TRAPPC11: variants seen among roughly 807,000 people sequenced by gnomAD.
The protein encoded by TRAPPC11 is foie gras homolog.
In TRAPPC11, 104 loss-of-function variants were observed where a neutral mutation model predicts 151.2. The observed-to-expected ratio is 0.69, with a 90% CI of 0.59 to 0.81. TRAPPC11 has a LOEUF of 0.81. Among genes scored for constraint, TRAPPC11 ranks in the 30% least tolerant of loss-of-function variants. The pLI is 0.00. For missense variants in TRAPPC11, 1,230 were observed against 1,349.6 expected (o/e 0.91, Z 1.39); for synonymous variants, 456 against 472.3 (o/e 0.97, Z 0.45).
rs1734963112 is a variant in TRAPPC11 at position 183,667,927 on chromosome 4, A to G, written c.446-76A>G. The G allele has an allele frequency of 2.9e-6, 3 of 1,027,444 alleles. 1 individual carries two copies. In the Admixed American group the frequency reaches 5.7e-5, roughly 19 times the overall value. 63.6% of individuals were successfully genotyped at this position (1,027,444 alleles called of 1,614,324 possible). ...TTTATTCCTAATTCTATTTTTTCAG[A>G]CTTGGGGAAATATTTATTTGGGAAG... On this transcript the variant is annotated intron_variant, in intron 4 of 29. Coordinates refer to ENST00000334690, the MANE Select transcript of TRAPPC11 (RefSeq NM_021942.6).
intron 5 of TRAPPC11, among the ~76,000 whole-genome samples, chr4:183,671,126 A>G (rs1735134772): frequency 6.6e-6 from 1 of 152,174 alleles, no homozygotes; most frequent in Non-Finnish European, 1.5e-5. Context: ...TCGGCCTCCC[A>G]TAGTGCTGGG....
intron 1 of TRAPPC11, among the ~76,000 whole-genome samples, chr4:183,662,149 C>T (rs543630312): frequency 1.3e-4 from 19 of 151,958 alleles, no homozygotes; most frequent in African/African-American, 4.3e-4. Context: ...CCTGAGGTCA[C>T]GAGATCAAGA....
chr4:183,695,224 A>G (rs966495304), intron 23 of TRAPPC11, among the ~76,000 whole-genome samples: 2 of 152,182 alleles, frequency 1.3e-5, no homozygotes, highest in South Asian at 4.1e-4. Flanking sequence ...TGCTGGGATT[A>G]CAGGCGTGAT....
At chr4:183,679,032 T>A (rs941793989) in intron 8 of TRAPPC11, among the ~76,000 whole-genome samples, 3 of 152,228 alleles carry the variant, frequency 2.0e-5, no homozygotes, top group African/African-American at 7.2e-5. Flanking sequence ...AATTACCTGT[T>A]GGACATAGTT....
At position 183,664,025 on chromosome 4, in the gene TRAPPC11, T is replaced by C. The variant is rs771569103; in HGVS notation, c.158T>C (p.Phe53Ser). 6.2e-7 allele frequency: 1 copy of C among 1,613,810 alleles called. No homozygotes were observed. The highest frequency in any genetic ancestry group is 1.1e-5 in the South Asian group (1 of 91,060). Residue 53 changes from phenylalanine (F) to serine (S), a missense_variant, in exon 2 of 30, where the codon TTC (phenylalanine) becomes TCC (serine). Physicochemically the swap from Phe to Ser is radical, Grantham distance 155. Transcript: ENST00000334690. The stretch of plus-strand genomic sequence containing the variant: ...AGAGCTGATCGAGTACCAATTTCTT[T>C]CAAGGTGCTCCCAGGTGACCATGAG... ...NRRADRVPIS[F>S]KVLPGDHEYP...
At position 183,666,307 on chromosome 4, in the gene TRAPPC11, G is replaced by T; in HGVS notation, c.255G>T (p.Trp85Cys). 5.0e-6 allele frequency: 8 copies of T among 1,614,192 alleles called. No homozygotes were observed. The highest frequency in any genetic ancestry group is 6.8e-6 in the Non-Finnish European group (8 of 1,180,022). Reference protein sequence around the residue: ...YIPKGILKTGWMNKHLNLVPA... With the variant: ...YIPKGILKTGCMNKHLNLVPA... ...CTAAAGGGATCTTAAAGACTGGCTG[G>T]ATGAATAAGCATCTGAATCTGGTGC... The change falls in exon 3 of 30, where the codon TGG becomes TGT. Residue 85 changes from tryptophan to cysteine, a missense_variant. Transcript: ENST00000334690.
rs1396630937 is a variant in TRAPPC11 at position 183,685,296 on chromosome 4, A to G, written c.1655A>G (p.Asp552Gly). 1 of 1,614,004 alleles carries G rather than the reference A, an allele frequency of 6.2e-7. No homozygotes were observed. The highest frequency in any genetic ancestry group is 8.5e-7 in the Non-Finnish European group (1 of 1,179,986). Residue 552 changes from aspartate (D) to glycine (G), a missense_variant, in exon 17 of 30, where the codon GAC (aspartate) becomes GGC (glycine). Asp to Gly is a moderately conservative substitution (Grantham distance 94). Coordinates refer to ENST00000334690, the MANE Select transcript of TRAPPC11 (RefSeq NM_021942.6). The part of the protein sequence containing the change: ...LMNESPDPEP[D>G]CDILAVKTAQ... ...AATGAAAGTCCTGATCCAGAACCCG[A>G]CTGTGATATCTTAGCTGTGAAAACT...
At chr4:183,660,136 T>A (rs1317391800) in intron 1 of TRAPPC11, among the ~76,000 whole-genome samples, 1 of 152,236 alleles carries the variant, frequency 6.6e-6, no homozygotes, top group Admixed American at 6.5e-5. Context: ...TCTGCGCCTG[T>A]GCGTTATCGG....
intron 5 of TRAPPC11, among the ~76,000 whole-genome samples, chr4:183,670,778 T>C (rs919423287): frequency 6.6e-5 from 10 of 151,874 alleles, no homozygotes; most frequent in African/African-American, 2.2e-4. Context: ...GCTAATTTGT[T>C]TGCTTTTGGT....
In TRAPPC11 at chr4:183,693,833, T is replaced by A. The variant is rs1327671450; in HGVS notation, c.2387-84T>A. On this transcript the variant is annotated intron_variant, in intron 21 of 29. Transcript: ENST00000334690. Reference sequence around the variant, plus strand: ...TAGGACTTTTGTTTACAAGAGGGTATGGCATAGTGCTCTTCACACAGTATT... The same window carrying A: ...TAGGACTTTTGTTTACAAGAGGGTAAGGCATAGTGCTCTTCACACAGTATT... The A allele has an allele frequency of 6.3e-6, 10 of 1,596,038 alleles. No individual in the cohort carries two copies. In the African/African-American group the frequency reaches 8.0e-5, roughly 13 times the overall value.
rs533650176 is a variant in TRAPPC11 at position 183,692,829 on chromosome 4, C to T, written c.2050-131C>T. The T allele has an allele frequency of 4.1e-6, 3 of 738,834 alleles. No homozygotes were observed. In the South Asian group the frequency reaches 7.0e-5, roughly 17 times the overall value. 45.8% of individuals were successfully genotyped at this position (738,834 alleles called of 1,614,324 possible). ...TAAGACCTCTAATAGCAGGTGTTCT[C>T]ACTTCTGTCACACTGGGGGTCTCTA... is the stretch of plus-strand genomic sequence containing the variant. On this transcript the variant is annotated intron_variant, in intron 19 of 29. Coordinates refer to ENST00000334690, the MANE Select transcript of TRAPPC11 (RefSeq NM_021942.6).
intron 1 of TRAPPC11, among the ~76,000 whole-genome samples, chr4:183,663,359 G>A (rs940749054): frequency 3.9e-5 from 6 of 152,056 alleles, no homozygotes; most frequent in African/African-American, 1.2e-4. Context: ...TCAGCCTCCT[G>A]AGTAGCTGGG....
intron 26 of TRAPPC11, among the ~76,000 whole-genome samples, chr4:183,703,177 TAAA>T (rs1200799824): frequency 2.6e-5 from 4 of 152,076 alleles, no homozygotes; most frequent in Non-Finnish European, 5.9e-5. Flanking sequence ...AGGCAGAAAA[TAAA>T]AAAGACAACT....
rs148111875 is a variant in TRAPPC11, at chr4:183,692,801, G to A, written c.2050-159G>A. Among the ~76,000 whole-genome samples, 1,019 of 152,266 alleles carry A rather than the reference G, an allele frequency of 6.7e-3. 4 individuals are homozygous for A. Among genetic ancestry groups the A allele is most frequent in the Middle Eastern group, 0.024 (7 of 294 alleles). ...GCGCAGTTAGTCTCTGTCCCAGCCC[G>A]AGTAAGACCTCTAATAGCAGGTGTT... On this transcript the variant is annotated intron_variant, in intron 19 of 29. Transcript: ENST00000334690.
At chr4:183,687,576 A>G (rs1736048047) in intron 18 of TRAPPC11, among the ~76,000 whole-genome samples, 1 of 151,960 alleles carries the variant, frequency 6.6e-6, no homozygotes, top group Admixed American at 6.6e-5. Flanking sequence ...TGATCCACCA[A>G]CCTCAGCCTC....
intron 16 of TRAPPC11, 51 bp downstream of exon 16, chr4:183,685,196 A>G: frequency 1.9e-6 from 3 of 1,608,638 alleles, no homozygotes; most frequent in Non-Finnish European, 2.6e-6. Context: ...ATGTGTACTT[A>G]TATCTATATC....
chr4:183,696,403 T>C (rs1736541570), intron 23 of TRAPPC11, among the ~76,000 whole-genome samples: 1 of 152,188 alleles, frequency 6.6e-6, no homozygotes, highest in Admixed American at 6.5e-5. Context: ...TTTCTTTTAT[T>C]TTTTTATTTT....
At chr4:183,701,654 G>A (rs764661510) in intron 25 of TRAPPC11, 43 bp from the exon 26 acceptor site, 6 of 1,348,886 alleles carry the variant, frequency 4.4e-6, no homozygotes, top group Admixed American at 1.7e-5. Flanking sequence ...TCCTTTTGTA[G>A]ATGAAACCAT....
intron 23 of TRAPPC11, among the ~76,000 whole-genome samples, chr4:183,697,015 GATAA>G (rs1296394494): frequency 6.6e-6 from 1 of 152,054 alleles, no homozygotes; most frequent in Non-Finnish European, 1.5e-5. Flanking sequence ...TAGATCCAGA[GATAA>G]ATAATGTATA....
Sources: allele counts gnomAD v4.1 joint callset (sites outside exome capture counted in the v4.1 genomes callset), GRCh38; gene constraint gnomAD v4.1.1; transcripts MANE v1.5; gene names NCBI Gene and HGNC (gene_info 2026-07-23, HGNC 2026-07-21).